MACROD1: variants seen among roughly 807,000 people sequenced by gnomAD.
MACROD1 encodes ADP-ribose glycohydrolase MACROD1.
MACROD1 carries 31 observed loss-of-function variants against 41.4 expected under a neutral mutation model. The observed-to-expected ratio is 0.75, with a 90% CI of 0.56 to 1.01. The LOEUF (loss-of-function observed/expected upper bound fraction) is 1.01. MACROD1 is among the 50% of genes least tolerant of loss of function. The pLI is 0.00. For synonymous variants in MACROD1, 252 were observed against 203.4 expected, an observed-to-expected ratio of 1.24 and a Z score of -2.03; for missense variants, 473 against 460.0, an observed-to-expected ratio of 1.03 and a Z score of -0.26.
In MACROD1 at chr11:64,090,956, A is replaced by G. The variant is rs943062618; in HGVS notation, c.517+60283T>C. Among the ~76,000 whole-genome samples the G allele has an allele frequency of 4.0e-5, 6 of 151,652 alleles. No homozygotes were observed. Among genetic ancestry groups the G allele is most frequent in the African/African-American group, 7.3e-5 (3 of 41,262 alleles). On this transcript the variant is annotated intron_variant, in intron 3 of 10. Coordinates refer to ENST00000255681, the MANE Select transcript of MACROD1 (RefSeq NM_014067.4). The surrounding 1 kb of genome is among the most constrained non-coding windows in gnomAD (Gnocchi z 4.7). ...TGTAGGGGGCACTGGCAGAATCTGC[A>G]GCACTGACCTCTGACCTCTGGGTCA...
At chr11:64,115,279 G>A (rs1327173412) in intron 3 of MACROD1, among the ~76,000 whole-genome samples, 1 of 152,028 alleles carries the variant, frequency 6.6e-6, no homozygotes, top group East Asian at 1.9e-4. Context: ...TTCCATTTGT[G>A]AAATCCAAAA....
intron 3 of MACROD1, among the ~76,000 whole-genome samples, chr11:64,033,040 A>G (rs2134367530): frequency 6.6e-6 from 1 of 152,188 alleles, no homozygotes; most frequent in East Asian, 1.9e-4. Context: ...CTGCAAGAAC[A>G]TCCCTCCTGC....
chr11:64,043,026 G>A (rs1443342480), intron 3 of MACROD1, among the ~76,000 whole-genome samples: 1 of 152,246 alleles, frequency 6.6e-6, no homozygotes, highest in Admixed American at 6.5e-5. Context: ...GAAAGCTCTG[G>A]AGTCGATGAA....
chr11:64,048,152 C>G (rs187176520), intron 3 of MACROD1, among the ~76,000 whole-genome samples: 2 of 152,362 alleles, frequency 1.3e-5, no homozygotes, highest in Non-Finnish European at 2.9e-5. Context: ...GCCCCCACGA[C>G]AGCTGCCTCT....
chr11:64,097,026 G>C (rs774277115), intron 3 of MACROD1, among the ~76,000 whole-genome samples: 1 of 152,174 alleles, frequency 6.6e-6, no homozygotes, highest in African/African-American at 2.4e-5. Flanking sequence ...CACTCCAGGC[G>C]GATGAGAACT....
Position 64,096,672 on chromosome 11 carries a change from C to A in MACROD1, c.517+54567G>T, listed in dbSNP as rs1341985352. ...CCTCAAGTTATCCGCCTGCCTCAGC[C>A]TCCCAAAGTGCTGGGATTACAGGCA... is the stretch of plus-strand genomic sequence containing the variant. On this transcript the variant is annotated intron_variant, in intron 3 of 10. Coordinates refer to ENST00000255681, the MANE Select transcript of MACROD1 (RefSeq NM_014067.4). The surrounding 1 kb of genome is among the most constrained non-coding windows in gnomAD (Gnocchi z 4.6). Among the ~76,000 whole-genome samples, 5 of 152,346 alleles carry A rather than the reference C, an allele frequency of 3.3e-5. No homozygotes were observed. The highest frequency in any genetic ancestry group is 7.2e-5 in the African/African-American group (3 of 41,580).
chr11:64,063,843 A>G (rs1344160947), intron 3 of MACROD1, among the ~76,000 whole-genome samples: 1 of 152,238 alleles, frequency 6.6e-6, no homozygotes, highest in African/African-American at 2.4e-5. Flanking sequence ...TGCAATTAGC[A>G]CAGACAATGC....
At chr11:64,004,263 G>A (rs1290747945) in intron 4 of MACROD1, among the ~76,000 whole-genome samples, 3 of 152,206 alleles carry the variant, frequency 2.0e-5, no homozygotes, top group Non-Finnish European at 4.4e-5. Context: ...GCATTCCTGG[G>A]GCAGTGGAGG....
rs894948579 is a variant in MACROD1 at position 64,036,823 on chromosome 11, C to T, written c.518-21542G>A. Among the ~76,000 whole-genome samples, 2 of 152,170 alleles carry T rather than the reference C, an allele frequency of 1.3e-5. No individual in the cohort carries two copies. The highest frequency in any genetic ancestry group is 2.9e-5 in the Non-Finnish European group (2 of 68,006). On this transcript the variant is annotated intron_variant, in intron 3 of 10. Transcript: ENST00000255681. This position sits in a 1 kb window ranked among gnomAD's most constrained non-coding sequence, Gnocchi z 5.6. Reference sequence around the variant, plus strand: ...GGGGGCGGCGGGCACCCCCCATCCCCCAGCTCTCAAGACAAGGAGGCGGCC... The same window carrying T: ...GGGGGCGGCGGGCACCCCCCATCCCTCAGCTCTCAAGACAAGGAGGCGGCC...
chr11:64,089,885 G>C (rs551338345), intron 3 of MACROD1, among the ~76,000 whole-genome samples: 62 of 152,332 alleles, frequency 4.1e-4, no homozygotes, highest in African/African-American at 1.5e-3. Context: ...GACCAGCTCT[G>C]CCCTGTGTGA....
chr11:64,114,697 G>A (rs1389017951), intron 3 of MACROD1, among the ~76,000 whole-genome samples: 1 of 151,926 alleles, frequency 6.6e-6, no homozygotes, highest in Non-Finnish European at 1.5e-5. Context: ...GTAGATGCAT[G>A]GACTGATACA....
At chr11:64,097,548 C>T (rs1944599033) in intron 3 of MACROD1, among the ~76,000 whole-genome samples, 1 of 152,270 alleles carries the variant, frequency 6.6e-6, no homozygotes, top group Non-Finnish European at 1.5e-5. Flanking sequence ...GCGGCACAGA[C>T]TCCTGAAGCC....
intron 1 of MACROD1, among the ~76,000 whole-genome samples, chr11:64,162,974 A>C (rs1945779964): frequency 6.6e-6 from 1 of 152,078 alleles, no homozygotes; most frequent in Non-Finnish European, 1.5e-5. Context: ...CAAAAAAATT[A>C]GCCGGGCGTG....
At chr11:64,132,937 G>T (rs1008000084) in intron 3 of MACROD1, among the ~76,000 whole-genome samples, 2 of 152,214 alleles carry the variant, frequency 1.3e-5, no homozygotes, top group African/African-American at 2.4e-5. Flanking sequence ...TGGTGACGGA[G>T]TTAGCTCTGG....
At position 64,152,954 on chromosome 11, in the gene MACROD1, G is replaced by T. The variant is rs986943291; in HGVS notation, c.299-561C>A. On this transcript the variant is annotated intron_variant, in intron 1 of 10. Coordinates refer to ENST00000255681, the MANE Select transcript of MACROD1 (RefSeq NM_014067.4). ...ACATCCCCCCCGGCAGCGGCTGAGG[G>T]CTCCCAGCATGACCAATGGGGTTGG... Among the ~76,000 whole-genome samples, 3 of 152,324 alleles carry T rather than the reference G, an allele frequency of 2.0e-5. No homozygotes were observed. The East Asian group carries it at 5.8e-4, about 29-fold the overall frequency.
chr11:64,128,086 G>A (rs1212082661), intron 3 of MACROD1, among the ~76,000 whole-genome samples: 7 of 152,134 alleles, frequency 4.6e-5, no homozygotes, highest in African/African-American at 1.7e-4. Flanking sequence ...GGTGACGTGG[G>A]CCCCACAGGT....
Position 64,021,819 on chromosome 11 carries a change from C to T in MACROD1, c.518-6538G>A, listed in dbSNP as rs569084437. On this transcript the variant is annotated intron_variant, in intron 3 of 10. Transcript: ENST00000255681. ...CACGGATGGGGCAGCCCTGCTGGCA[C>T]GTGCATCATCTGGCTGGGAGACCAT... Among the ~76,000 whole-genome samples the T allele has an allele frequency of 4.4e-3, 661 of 151,822 alleles. 7 individuals are homozygous for T. Among genetic ancestry groups the T allele is most frequent in the Non-Finnish European group, 7.5e-3 (510 of 67,920 alleles).
At chr11:64,000,707 G>GCTTCAC (rs111363598) in intron 4 of MACROD1, among the ~76,000 whole-genome samples, 138,245 of 151,646 alleles carry the variant, frequency 0.91, 63,145 homozygotes, top group African/African-American at 0.96. Context: ...TGACGGGGAA[G>GCTTCAC]CTTCCTCCCC....
chr11:64,135,415 A>G (rs1319452164), intron 3 of MACROD1, among the ~76,000 whole-genome samples: 4 of 152,200 alleles, frequency 2.6e-5, no homozygotes, highest in Non-Finnish European at 5.9e-5. Context: ...TGTCCATCAC[A>G]GTCACTCCAC....
Sources: gnomAD v4.1 joint callset for allele counts (sites outside exome capture counted in the v4.1 genomes callset) on GRCh38, gnomAD v4.1.1 for gene constraint, Gnocchi (gnomAD v3.1) non-coding constraint, MANE v1.5 for transcripts, NCBI Gene and HGNC (gene_info 2026-07-23, HGNC 2026-07-21) for gene names.